C1QTNF3: variants seen among roughly 807,000 people sequenced by gnomAD.
C1QTNF3 encodes complement C1q tumor necrosis factor-related protein 3.
In C1QTNF3, 26 loss-of-function variants were observed where a neutral mutation model predicts 32.6. The observed-to-expected ratio is 0.80, with a 90% CI of 0.58 to 1.11. C1QTNF3 has a LOEUF of 1.11. C1QTNF3 is among the 50% of genes least tolerant of loss of function. The pLI, the probability that C1QTNF3 is intolerant of heterozygous loss-of-function variation, is 0.00. For synonymous variants in C1QTNF3, 155 were observed against 146.0 expected, an observed-to-expected ratio of 1.06 and a Z score of -0.44; for missense variants, 362 against 398.2, an observed-to-expected ratio of 0.91 and a Z score of 0.77.
the C1QTNF3 span, among the ~76,000 whole-genome samples, chr5:34,065,816 G>A: frequency 6.6e-6 from 1 of 152,168 alleles, no homozygotes; most frequent in African/African-American, 2.4e-5. Flanking sequence ...GCTACCACTT[G>A]ACCTAGGAAT....
chr5:34,029,602 T>C (rs1424560299), intron 3 of C1QTNF3, among the ~76,000 whole-genome samples: 1 of 152,240 alleles, frequency 6.6e-6, no homozygotes, highest in Non-Finnish European at 1.5e-5. Context: ...CTTTATTAAC[T>C]GTGTCTGTGT....
At chr5:34,067,582 G>C in the C1QTNF3 span, among the ~76,000 whole-genome samples, 1 of 152,166 alleles carries the variant, frequency 6.6e-6, no homozygotes, top group Non-Finnish European at 1.5e-5. Flanking sequence ...GACTTATTCA[G>C]TGTCATGAGA....
At chr5:34,040,256 G>A (rs150117453) in intron 1 of C1QTNF3, among the ~76,000 whole-genome samples, 23 of 152,274 alleles carry the variant, frequency 1.5e-4, no homozygotes, top group African/African-American at 5.1e-4. Context: ...TGCAGCATGC[G>A]AGAAAGAGTT....
chr5:34,094,280 C>CA, the C1QTNF3 span, among the ~76,000 whole-genome samples: 1 of 151,754 alleles, frequency 6.6e-6, no homozygotes, highest in African/African-American at 2.4e-5. Context: ...TTTCTGATTT[C>CA]AAAAAATGGC....
the C1QTNF3 span, among the ~76,000 whole-genome samples, chr5:34,154,919 G>A: frequency 6.6e-6 from 1 of 152,058 alleles, no homozygotes; most frequent in Non-Finnish European, 1.5e-5. Context: ...GAGAACCACT[G>A]GTGTATGCAT....
chr5:34,210,959 T>C, the C1QTNF3 span, among the ~76,000 whole-genome samples: 2 of 152,140 alleles, frequency 1.3e-5, no homozygotes, highest in South Asian at 4.1e-4. Context: ...AACCACTAAA[T>C]ATGATTTGGA....
intron 5 of C1QTNF3, among the ~76,000 whole-genome samples, chr5:34,022,773 C>T (rs1317570588): frequency 3.9e-5 from 6 of 152,208 alleles, no homozygotes; most frequent in Admixed American, 3.9e-4. Context: ...CAACAGCAAG[C>T]TTTTCTCCTT....
the C1QTNF3 span, among the ~76,000 whole-genome samples, chr5:34,056,806 G>A: frequency 5.9e-5 from 9 of 151,910 alleles, no homozygotes; most frequent in Non-Finnish European, 8.8e-5. Flanking sequence ...TCTCGCACCC[G>A]GCCATGACTT....
At chr5:34,136,207 C>G in the C1QTNF3 span, among the ~76,000 whole-genome samples, 1 of 152,236 alleles carries the variant, frequency 6.6e-6, no homozygotes, top group South Asian at 2.1e-4. Context: ...TCAGAGTGAA[C>G]AGGTAACCTA....
chr5:34,164,384 G>C, the C1QTNF3 span, among the ~76,000 whole-genome samples: 1 of 152,056 alleles, frequency 6.6e-6, no homozygotes. Flanking sequence ...AGCTCCTGGA[G>C]AAGATGATAA....
chr5:34,083,755 T>C, the C1QTNF3 span, among the ~76,000 whole-genome samples: 1 of 151,800 alleles, frequency 6.6e-6, no homozygotes, highest in Admixed American at 6.6e-5. Context: ...CCTCTTCCAT[T>C]TCCAAAACAT....
chr5:34,212,263 T>G, the C1QTNF3 span, among the ~76,000 whole-genome samples: 8 of 151,930 alleles, frequency 5.3e-5, no homozygotes, highest in Admixed American at 2.6e-4. Flanking sequence ...TCAAGATGGA[T>G]TAAAGACTTA....
chr5:34,033,247 C>A lies in C1QTNF3; in HGVS notation c.570+57G>T, dbSNP rs1754660168. On this transcript the variant is annotated intron_variant, in intron 3 of 5. Coordinates refer to ENST00000382065, the MANE Select transcript of C1QTNF3 (RefSeq NM_181435.6). ...AGCGCTCGAACATCCTGATTCCTGG[C>A]CCCTTTTGGTCAGGCAGGTTGGAAA... 1.9e-6 allele frequency: 3 copies of A among 1,578,668 alleles called. No individual in the cohort carries two copies. In the South Asian group the frequency reaches 3.5e-5, roughly 18 times the overall value.
At chr5:34,093,796 T>C in the C1QTNF3 span, among the ~76,000 whole-genome samples, 12 of 152,228 alleles carry the variant, frequency 7.9e-5, no homozygotes, top group African/African-American at 2.9e-4. Context: ...CACAAACCAA[T>C]CATCACACAC....
chr5:34,128,657 C>T, the C1QTNF3 span, among the ~76,000 whole-genome samples: 6 of 152,202 alleles, frequency 3.9e-5, no homozygotes, highest in African/African-American at 1.4e-4. Flanking sequence ...GACTTAATGA[C>T]TGTCCTGCTG....
At chr5:34,085,558 G>A in the C1QTNF3 span, among the ~76,000 whole-genome samples, 1 of 151,506 alleles carries the variant, frequency 6.6e-6, no homozygotes, top group Non-Finnish European at 1.5e-5. Context: ...GGTTACTGTA[G>A]ACTTGTAGTA....
At chr5:34,154,668 A>G in the C1QTNF3 span, among the ~76,000 whole-genome samples, 94 of 152,260 alleles carry the variant, frequency 6.2e-4, no homozygotes, top group African/African-American at 2.2e-3. Flanking sequence ...TGCTTGGTAC[A>G]TTCTCATCTA....
the C1QTNF3 span, among the ~76,000 whole-genome samples, chr5:34,205,118 A>T: frequency 6.9e-6 from 1 of 144,636 alleles, no homozygotes; most frequent in African/African-American, 2.6e-5. Flanking sequence ...GTTGATAAAG[A>T]TGTTCTTCTA....
At chr5:34,174,399 A>T in the C1QTNF3 span, among the ~76,000 whole-genome samples, 1 of 152,134 alleles carries the variant, frequency 6.6e-6, no homozygotes, top group African/African-American at 2.4e-5. Flanking sequence ...ACCTCTCCAC[A>T]AAACTGCCAT....
Sources: allele counts gnomAD v4.1 joint callset (sites outside exome capture counted in the v4.1 genomes callset), GRCh38; gene constraint gnomAD v4.1.1; transcripts MANE v1.5; gene names NCBI Gene and HGNC (gene_info 2026-07-23, HGNC 2026-07-21).